Variants in HIF3A observed in about 807,000 individuals in gnomAD.
HIF3A encodes the protein hypoxia-inducible factor 3-alpha.
A neutral mutation model predicts 67.2 loss-of-function variants in HIF3A; 41 were observed. The observed-to-expected ratio is 0.61, with a 90% CI of 0.48 to 0.79. The LOEUF is 0.79. HIF3A is among the 30% of genes least tolerant of loss of function. The pLI, the probability that HIF3A is intolerant of heterozygous loss-of-function variation, is 0.00. For missense variants in HIF3A, 855 were observed against 898.0 expected (o/e 0.95, Z 0.61); for synonymous variants, 356 against 374.8 (o/e 0.95, Z 0.58).
Position 46,305,388 on chromosome 19 carries a change from C to A in HIF3A, c.361C>A (p.Gln121Lys). ...TGTCAGCAAACACCTGGGCCTCAGTCAGGTGAGAGGAGCTCCTTGCTCTGT... is the reference window on the plus strand; with the variant it reads ...TGTCAGCAAACACCTGGGCCTCAGTAAGGTGAGAGGAGCTCCTTGCTCTGT... The part of the protein sequence containing the change: ...ENVSKHLGLS[Q>K]LELIGHSIFD... Residue 121 changes from glutamine to lysine, a missense_variant and splice_region_variant, in exon 3 of 15, where the codon CAG (glutamine) becomes AAG (lysine). Coordinates refer to ENST00000377670, the MANE Select transcript of HIF3A (RefSeq NM_152795.4). The A allele has an allele frequency of 6.2e-7, 1 of 1,613,814 alleles. No homozygotes were observed. The highest frequency in any genetic ancestry group is 1.1e-5 in the South Asian group (1 of 91,066).
At position 46,304,256 on chromosome 19, in the gene HIF3A, G is replaced by T. The variant is rs933588028; in HGVS notation, c.217+168G>T. ...CCCCCCTGGAATCGACTTCCCCGGGGAGGCCCCGCCCCCTTTGAGTTCCTG... is the reference window on the plus strand; with the variant it reads ...CCCCCCTGGAATCGACTTCCCCGGGTAGGCCCCGCCCCCTTTGAGTTCCTG... On this transcript the variant is annotated intron_variant, in intron 2 of 14. Coordinates refer to ENST00000377670, the MANE Select transcript of HIF3A (RefSeq NM_152795.4). The T allele has an allele frequency of 1.1e-5, 7 of 616,474 alleles. No individual in the cohort carries two copies. The East Asian group carries it at 1.7e-4, about 15-fold the overall frequency. 38.2% of individuals were successfully genotyped at this position (616,474 alleles called of 1,614,324 possible).
chr19:46,298,376 A>AAGCCCGGCCCGT, intron 1 of HIF3A: 1 of 911,620 alleles, frequency 1.1e-6, no homozygotes, highest in Non-Finnish European at 1.5e-6. Flanking sequence ...CCCCCTCCCC[A>AAGCCCGGCCCGT]CCCAAGGCCG....
chr19:46,316,782 G>A (rs1216784868), intron 8 of HIF3A, among the ~76,000 whole-genome samples: 5 of 138,820 alleles, frequency 3.6e-5, no homozygotes, highest in East Asian at 2.1e-4. Context: ...CAGCCTGGGC[G>A]ACAGAGTGAG....
At chr19:46,318,061 C>A (rs994859980) in intron 8 of HIF3A, among the ~76,000 whole-genome samples, 2 of 152,078 alleles carry the variant, frequency 1.3e-5, no homozygotes, top group African/African-American at 4.8e-5. Flanking sequence ...GTCTTGAACT[C>A]CTGAGCTCAA....
rs188728715 is a variant in HIF3A at position 46,312,012 on chromosome 19, T to A, written c.771-149T>A. On this transcript the variant is annotated intron_variant, in intron 6 of 14. Coordinates refer to ENST00000377670, the MANE Select transcript of HIF3A (RefSeq NM_152795.4). ...TATTCAACCCACCACACTCCTCTTG[T>A]TCTGTTTCTTACTCCTTTTCTCTCG... 1,190 of 775,022 alleles carry A rather than the reference T, an allele frequency of 1.5e-3. 2 individuals are homozygous for A. The highest frequency in any genetic ancestry group is 1.4e-3 in the Non-Finnish European group (600 of 423,236). The allele number at this position is 775,022 out of a possible 1,614,324, so 48.0% of individuals were successfully genotyped here.
At chr19:46,308,622 T>TA in intron 4 of HIF3A, 41 bp from the exon 5 acceptor site, 7 of 1,253,420 alleles carry the variant, frequency 5.6e-6, no homozygotes, top group Non-Finnish European at 7.9e-6. Flanking sequence ...GGCCTGTGTG[T>TA]AGCTGCCTGT....
chr19:46,298,892 C>G (rs974730291), intron 1 of HIF3A, among the ~76,000 whole-genome samples: 1 of 152,200 alleles, frequency 6.6e-6, no homozygotes, highest in Non-Finnish European at 1.5e-5. Flanking sequence ...TAAGACGCCC[C>G]CCCCCAATAC....
At chr19:46,311,120 T>C (rs1784568649) in intron 6 of HIF3A, among the ~76,000 whole-genome samples, 1 of 152,150 alleles carries the variant, frequency 6.6e-6, no homozygotes, top group South Asian at 2.1e-4. Context: ...TTCCCCTCTC[T>C]TCCTCTCTCC....
At chr19:46,320,598 C>T (rs913999333) in intron 9 of HIF3A, 37 bp downstream of exon 9, 2 of 1,524,372 alleles carry the variant, frequency 1.3e-6, no homozygotes, top group Non-Finnish European at 1.8e-6. Flanking sequence ...GGGTTGTGTC[C>T]CCAGGGCCCT....
chr19:46,331,034 G>T, intron 12 of HIF3A, 122 bp from the exon 13 acceptor site: 1 of 639,668 alleles, frequency 1.6e-6, no homozygotes, highest in Admixed American at 2.8e-5. Context: ...ACTGGTGGGT[G>T]TATGACTAAA....
intron 10 of HIF3A, among the ~76,000 whole-genome samples, chr19:46,323,383 G>A (rs1223367761): frequency 1.3e-5 from 2 of 152,094 alleles, no homozygotes; most frequent in African/African-American, 4.8e-5. Flanking sequence ...AATCAAAAAG[G>A]CAGGGGAAGA....
At chr19:46,324,208 A>G (rs1970591010) in intron 10 of HIF3A, among the ~76,000 whole-genome samples, 1 of 152,224 alleles carries the variant, frequency 6.6e-6, no homozygotes, top group Non-Finnish European at 1.5e-5. Flanking sequence ...CACCTATAAA[A>G]GAAAGATAAT....
intron 10 of HIF3A, among the ~76,000 whole-genome samples, 193 bp from the exon 11 acceptor site, chr19:46,325,342 T>C (rs1970701462): frequency 6.6e-6 from 1 of 151,924 alleles, no homozygotes; most frequent in Non-Finnish European, 1.5e-5. Flanking sequence ...GCCCCATCCA[T>C]CTATGTACAC....
Position 46,312,361 on chromosome 19 carries a change from T to G in HIF3A, c.877+94T>G, listed in dbSNP as rs761123054. On this transcript the variant is annotated intron_variant, in intron 7 of 14. Transcript: ENST00000377670. Reference sequence around the variant, plus strand: ...CAGCTCCCCATACCCCAGGATGCACTGCCTCCCCACCTCAACACCAGCTCC... The same window carrying G: ...CAGCTCCCCATACCCCAGGATGCACGGCCTCCCCACCTCAACACCAGCTCC... 6.8e-6 allele frequency: 11 copies of G among 1,608,530 alleles called. No homozygotes were observed. In the South Asian group the frequency reaches 1.2e-4, roughly 18 times the overall value.
Position 46,312,145 on chromosome 19 carries a change from T to C in HIF3A, c.771-16T>C, listed in dbSNP as rs1969484936. The C allele has an allele frequency of 6.2e-7, 1 of 1,609,204 alleles. No homozygotes were observed. Among genetic ancestry groups the C allele is most frequent in the Non-Finnish European group, 8.5e-7 (1 of 1,175,772 alleles). ...CAGTAGCATCCTGACCAGACCCCAC[T>C]CCGCCCCACCCCCAGGATTGCAGAA... is the stretch of plus-strand genomic sequence containing the variant. On this transcript the variant is annotated splice_polypyrimidine_tract_variant and intron_variant, in intron 6 of 14. Transcript: ENST00000377670.
intron 11 of HIF3A, among the ~76,000 whole-genome samples, chr19:46,328,176 A>G (rs963056598): frequency 1.3e-5 from 2 of 152,214 alleles, no homozygotes; most frequent in African/African-American, 4.8e-5. Context: ...GAGTTATCTC[A>G]TTAGCAAAAA....
At chr19:46,298,219 C>CCCCTG in intron 1 of HIF3A, 2 of 329,784 alleles carry the variant, frequency 6.1e-6, no homozygotes, top group South Asian at 2.2e-5. Context: ...CCCCCATCCT[C>CCCCTG]TCCCCTGTCC....
At chr19:46,337,426 G>A (rs942402497) in intron 14 of HIF3A, among the ~76,000 whole-genome samples, 3 of 152,088 alleles carry the variant, frequency 2.0e-5, no homozygotes, top group Non-Finnish European at 4.4e-5. Flanking sequence ...GCTTCATTAC[G>A]TCTGGCTAAT....
chr19:46,301,728 A>C (rs750709050), intron 1 of HIF3A, among the ~76,000 whole-genome samples: 60 of 151,982 alleles, frequency 3.9e-4, no homozygotes, highest in Non-Finnish European at 6.2e-4. Context: ...CGGGAGGCTG[A>C]GGCAGGAGAA....
Sources: gnomAD v4.1 joint callset for allele counts (sites outside exome capture counted in the v4.1 genomes callset) on GRCh38, gnomAD v4.1.1 for gene constraint, MANE v1.5 for transcripts, NCBI Gene and HGNC (gene_info 2026-07-23, HGNC 2026-07-21) for gene names.